ZKSCAN4: variants seen among roughly 807,000 people sequenced by gnomAD.
ZKSCAN4 encodes zinc finger protein with KRAB and SCAN domains 4.
ZKSCAN4 carries 23 observed loss-of-function variants against 30.8 expected under a neutral mutation model. The observed-to-expected ratio is 0.75, with a 90% confidence interval of 0.54 to 1.06. ZKSCAN4 has a LOEUF of 1.06. Ranked by LOEUF, ZKSCAN4 falls within the 50% of genes least tolerant of loss-of-function variation. The pLI is 0.00. For synonymous variants in ZKSCAN4, 208 were observed against 252.5 expected (o/e 0.82, Z 1.67); for missense variants, 556 against 665.4 (o/e 0.84, Z 1.81).
rs200408877 is a variant in ZKSCAN4, at chr6:28,251,515, G to T, written c.423+43C>A. On this transcript the variant is annotated intron_variant, in intron 1 of 4. Coordinates refer to ENST00000377294, the MANE Select transcript of ZKSCAN4 (RefSeq NM_019110.5). The surrounding 1 kb of genome is among the most constrained non-coding windows in gnomAD (Gnocchi z 4.5). ...TCGCTCCGATCTGGGATTTCAGGAG[G>T]AAACAGACCACAGCGCTCAGATACT... The T allele has an allele frequency of 1.2e-5, 19 of 1,614,018 alleles. No individual in the cohort carries two copies. The East Asian group carries it at 3.8e-4, about 32-fold the overall frequency.
chr6:28,252,095 T>C lies in ZKSCAN4; in HGVS notation c.-115A>G, dbSNP rs574060481. The C allele has an allele frequency of 1.3e-3, 1,578 of 1,193,606 alleles. 27 individuals carry two copies. The South Asian group carries it at 0.018, about 14-fold the overall frequency. 73.9% of individuals were successfully genotyped at this position (1,193,606 alleles called of 1,614,324 possible). A position where few individuals can be genotyped will look rare whatever the true frequency, so the allele number is the denominator to read the frequency against. On this transcript the variant is annotated 5_prime_UTR_variant, in exon 1 of 5. It removes an upstream start codon present in the reference 5' UTR. Coordinates refer to ENST00000377294, the MANE Select transcript of ZKSCAN4 (RefSeq NM_019110.5). ...ACTGCAAGTGGTCCCCCTCCTGTCATGCCCAGGGGCCCAGGACACCCCCTG... is the reference window on the plus strand; with the variant it reads ...ACTGCAAGTGGTCCCCCTCCTGTCACGCCCAGGGGCCCAGGACACCCCCTG...
In ZKSCAN4 at chr6:28,249,700, G is replaced by T. The variant is rs763137384; in HGVS notation, c.558C>A (p.Pro186=). The change falls in exon 2 of 5, where the codon CCC becomes CCA. Residue 186 remains proline (P), a synonymous_variant. Transcript: ENST00000377294. This position sits in a 1 kb window ranked among gnomAD's most constrained non-coding sequence, Gnocchi z 4.1. ...GAGAATACTCACCTCTATCGTGTAA[G>T]GGCTGGGATCCCAGAGATTCATGCT... ...LFKHESLGSQ[P]LHDRVLQVPG... is the part of the protein sequence containing the mutation. 1.9e-6 allele frequency: 3 copies of T among 1,614,070 alleles called. No homozygotes were observed. The highest frequency in any genetic ancestry group is 2.5e-6 in the Non-Finnish European group (3 of 1,179,998).
Position 28,243,830 on chromosome 6 carries a change from A to C in ZKSCAN4, c.*1286T>G. ...CAGGCGTGTGTCACCATGCCTGGCTAATTTTTGTATTTTTTGTAGAGATGG... is the reference window on the plus strand; with the variant it reads ...CAGGCGTGTGTCACCATGCCTGGCTCATTTTTGTATTTTTTGTAGAGATGG... On this transcript the variant is annotated 3_prime_UTR_variant, in exon 5 of 5. Coordinates refer to ENST00000377294, the MANE Select transcript of ZKSCAN4 (RefSeq NM_019110.5). Among the ~76,000 whole-genome samples the C allele has an allele frequency of 6.6e-6, 1 of 151,790 alleles. No homozygotes were observed. Among genetic ancestry groups the C allele is most frequent in the South Asian group, 2.1e-4 (1 of 4,814 alleles).
chr6:28,248,179 C>A (rs1216334077), intron 2 of ZKSCAN4, 30 bp from the exon 3 acceptor site: 1 of 1,578,760 alleles, frequency 6.3e-7, no homozygotes, highest in East Asian at 2.2e-5. Flanking sequence ...TGGATGAGAA[C>A]TACCCTAGTA....
At position 28,252,103 on chromosome 6, in the gene ZKSCAN4, G is replaced by A. The variant is rs1048835192; in HGVS notation, c.-123C>T. On this transcript the variant is annotated 5_prime_UTR_variant, in exon 1 of 5. Coordinates refer to ENST00000377294, the MANE Select transcript of ZKSCAN4 (RefSeq NM_019110.5). ...TGGTCCCCCTCCTGTCATGCCCAGG[G>A]GCCCAGGACACCCCCTGAGGCGCAG... is the stretch of plus-strand genomic sequence containing the variant. 1 of 1,081,208 alleles carries A rather than the reference G, an allele frequency of 9.2e-7. No homozygotes were observed. Among genetic ancestry groups the A allele is most frequent in the African/African-American group, 1.6e-5 (1 of 63,720 alleles). 67.0% of individuals were successfully genotyped at this position (1,081,208 alleles called of 1,614,324 possible).
At position 28,243,644 on chromosome 6, in the gene ZKSCAN4, G is replaced by C. The variant is rs1437901280; in HGVS notation, c.*1472C>G. On this transcript the variant is annotated 3_prime_UTR_variant, in exon 5 of 5. Coordinates refer to ENST00000377294, the MANE Select transcript of ZKSCAN4 (RefSeq NM_019110.5). ...TACCTAGGATTCCCAATGTGCTTCT[G>C]AACAGACACATTTTCTTTTCTTTTT... 6.6e-6 allele frequency among the ~76,000 whole-genome samples: 1 copy of C among 151,554 alleles called. No homozygotes were observed. The highest frequency in any genetic ancestry group is 1.9e-4 in the East Asian group (1 of 5,182).
At position 28,251,970 on chromosome 6, in the gene ZKSCAN4, T is replaced by A. The variant is rs755403639; in HGVS notation, c.11A>T (p.Glu4Val). The A allele has an allele frequency of 2.6e-6, 4 of 1,519,556 alleles. No individual in the cohort carries two copies. The highest frequency in any genetic ancestry group is 2.7e-5 in the South Asian group (2 of 74,002). The allele number at this position is 1,519,556 out of a possible 1,614,324, so 94.1% of individuals were successfully genotyped here. A position where few individuals can be genotyped will look rare whatever the true frequency, so the allele number is the denominator to read the frequency against. Residue 4 changes from glutamate to valine, a missense_variant, in exon 1 of 5, where the codon GAA (glutamate) becomes GTA (valine). By Grantham distance (121) the Glu-to-Val change is moderately radical. Transcript: ENST00000377294. This position sits in a 1 kb window ranked among gnomAD's most constrained non-coding sequence, Gnocchi z 4.5. The stretch of plus-strand genomic sequence containing the variant: ...GTCCAGGGCTGCGTTTTTTCTCGGT[T>A]CTCTAGCCATTCTGACCCAAGGCAG... MAR[E>V]PRKNAALDAQ...
rs907132935 is a variant in ZKSCAN4 at position 28,252,138 on chromosome 6, T to C, written c.-158A>G. On this transcript the variant is annotated 5_prime_UTR_variant, in exon 1 of 5. Transcript: ENST00000377294. ...ACCCCCTGAGGCGCAGCTGCACAGA[T>C]CTCTCTTATAGTCCGTGCCTTTGCA... 3 of 685,180 alleles carry C rather than the reference T, an allele frequency of 4.4e-6. No individual in the cohort carries two copies. The highest frequency in any genetic ancestry group is 3.6e-5 in the African/African-American group (2 of 56,014). The allele number at this position is 685,180 out of a possible 1,614,324, so 42.4% of individuals were successfully genotyped here.
chr6:28,247,234 A>T, intron 3 of ZKSCAN4, 142 bp from the exon 4 acceptor site: 1 of 880,306 alleles, frequency 1.1e-6, no homozygotes, highest in Non-Finnish European at 1.6e-6. Flanking sequence ...CTCTAATAAC[A>T]TCTTAATCAA....
the ZKSCAN4 span, among the ~76,000 whole-genome samples, chr6:28,258,407 G>A: frequency 6.3e-4 from 96 of 152,266 alleles, 2 homozygotes; most frequent in South Asian, 0.018. Flanking sequence ...TAGATAGAAA[G>A]ACATCTGTCT....
At chr6:28,256,043 A>AAG (rs1761165781), upstream of ZKSCAN4, among the ~76,000 whole-genome samples, 1 of 152,240 alleles carries the variant, frequency 6.6e-6, no homozygotes, top group African/African-American at 2.4e-5. Context: ...TCAATTGAGT[A>AAG]AGAAACCAAA....
At chr6:28,258,928 T>C in the ZKSCAN4 span, among the ~76,000 whole-genome samples, 14 of 152,264 alleles carry the variant, frequency 9.2e-5, no homozygotes, top group South Asian at 2.1e-4. Flanking sequence ...GGTGGACAAG[T>C]TCCTTTTTTA....
rs1388336963 is a variant in ZKSCAN4 at position 28,243,246 on chromosome 6, C to T, written c.*1870G>A. Among the ~76,000 whole-genome samples the T allele has an allele frequency of 6.6e-6, 1 of 152,096 alleles. No individual in the cohort carries two copies. ...TAGACTGAAAAGGAGATAATGAAGGCAATAAAAGATTGTAGGGAATTAATA... is the reference window on the plus strand; with the variant it reads ...TAGACTGAAAAGGAGATAATGAAGGTAATAAAAGATTGTAGGGAATTAATA... On this transcript the variant is annotated 3_prime_UTR_variant, in exon 5 of 5. Coordinates refer to ENST00000377294, the MANE Select transcript of ZKSCAN4 (RefSeq NM_019110.5).
At chr6:28,255,683 C>T (rs557624400), upstream of ZKSCAN4, among the ~76,000 whole-genome samples, 34 of 152,052 alleles carry the variant, frequency 2.2e-4, no homozygotes, top group South Asian at 8.3e-4. Context: ...TAGACAATGC[C>T]CCATGTACTC....
chr6:28,250,829 A>G (rs1760962239), intron 1 of ZKSCAN4, among the ~76,000 whole-genome samples: 1 of 152,240 alleles, frequency 6.6e-6, no homozygotes, highest in African/African-American at 2.4e-5. Context: ...CTTGCGTGCA[A>G]TAGACCTAAG....
In ZKSCAN4 at chr6:28,249,832, A is replaced by G. The variant is rs745699834; in HGVS notation, c.426T>C (p.Val142=). 7.1e-5 allele frequency: 114 copies of G among 1,612,012 alleles called. 1 individual carries two copies. The South Asian group carries it at 1.2e-3, about 17-fold the overall frequency. ...ERQLDEPAPQ[V]PVGDQGQELL... ...GTTCTTGCCCCTGGTCACCAACGGG[A>G]ACCTAGAAGTCACGATTTTTAGTTA... Residue 142 remains valine, a splice_region_variant and synonymous_variant, in exon 2 of 5, where the codon GTT becomes GTC. Transcript: ENST00000377294. This position sits in a 1 kb window ranked among gnomAD's most constrained non-coding sequence, Gnocchi z 4.1.
At position 28,251,823 on chromosome 6, in the gene ZKSCAN4, C is replaced by T; in HGVS notation, c.158G>A (p.Arg53His). The change falls in exon 1 of 5, where the codon CGC becomes CAC. Residue 53 changes from arginine (R) to histidine (H), a missense_variant. Physicochemically the swap from Arg to His is conservative, Grantham distance 29. Around this residue, in one of 3 missense-constraint regions of ZKSCAN4, gnomAD observed 115 missense variants for 125.9 expected, o/e 0.91. Transcript: ENST00000377294. This position sits in a 1 kb window ranked among gnomAD's most constrained non-coding sequence, Gnocchi z 4.5. The part of the protein sequence containing the change: ...CSPARGPERS[R>H]QRFRGFRYPE... Reference sequence around the variant, plus strand: ...GTAGCGGAAGCCTCGGAAGCGCTGGCGGGAGCGTTCGGGGCCCCGAGCAGG... The same window carrying T: ...GTAGCGGAAGCCTCGGAAGCGCTGGTGGGAGCGTTCGGGGCCCCGAGCAGG... 1 of 1,611,584 alleles carries T rather than the reference C, an allele frequency of 6.2e-7. No individual in the cohort carries two copies.
the ZKSCAN4 span, among the ~76,000 whole-genome samples, chr6:28,258,513 C>T: frequency 6.6e-6 from 1 of 151,616 alleles, no homozygotes; most frequent in Non-Finnish European, 1.5e-5. Context: ...CATGGTGGCT[C>T]ACACCTGTAA....
In ZKSCAN4 at chr6:28,249,665, C is replaced by G. The variant is rs1303296670; in HGVS notation, c.571+22G>C. On this transcript the variant is annotated intron_variant, in intron 2 of 4. Transcript: ENST00000377294. This position sits in a 1 kb window ranked among gnomAD's most constrained non-coding sequence, Gnocchi z 4.1. ...TTGGATGAAGTCTATAGAATTCATA[C>G]AACCCAGAAGAGAATACTCACCTCT... The G allele has an allele frequency of 6.2e-7, 1 of 1,603,062 alleles. No homozygotes were observed. Among genetic ancestry groups the G allele is most frequent in the East Asian group, 2.2e-5 (1 of 44,704 alleles).
Sources: allele counts gnomAD v4.1 joint callset (sites outside exome capture counted in the v4.1 genomes callset), GRCh38; gene constraint gnomAD v4.1.1; regional missense constraint gnomAD v4.1.1; non-coding constraint Gnocchi (gnomAD v3.1); transcripts MANE v1.5; gene names NCBI Gene and HGNC (gene_info 2026-07-23, HGNC 2026-07-21).